The following SLC8A3 variants were observed in gnomAD, a reference collection of about 807,000 sequenced individuals.
SLC8A3 encodes the protein solute carrier family 8 member A3, also known as sodium/calcium exchanger 3.
SLC8A3 carries 37 observed loss-of-function variants against 65.4 expected under a neutral mutation model. The ratio of observed to expected loss-of-function variants is 0.57; its 90% CI spans 0.44 to 0.74. The LOEUF (loss-of-function observed/expected upper bound fraction) is 0.74, where lower values mean the gene tolerates loss of function less well. SLC8A3 is among the 30% of genes least tolerant of loss of function. The pLI, the probability that SLC8A3 is intolerant of heterozygous loss-of-function variation, is 0.00. For synonymous variants in SLC8A3, 461 were observed against 444.5 expected (o/e 1.04, Z -0.47); for missense variants, 1,112 against 1,172.1 (o/e 0.95, Z 0.75).
chr14:70,087,527 T>TA (rs764000834), intron 2 of SLC8A3, among the ~76,000 whole-genome samples: 54 of 152,206 alleles, frequency 3.5e-4, no homozygotes, highest in Non-Finnish European at 6.9e-4. Context: ...TGCTCTGCCA[T>TA]AAAAAAGAGT....
chr14:70,185,486 C>T (rs1203045964), intron 1 of SLC8A3, among the ~76,000 whole-genome samples: 5 of 152,192 alleles, frequency 3.3e-5, no homozygotes, highest in South Asian at 2.1e-4. Context: ...GACAACCTAT[C>T]GGCTTTAGGG....
intron 2 of SLC8A3, among the ~76,000 whole-genome samples, chr14:70,128,349 C>A (rs1156578512): frequency 6.6e-6 from 1 of 152,188 alleles, no homozygotes. Context: ...TGCTTTATTG[C>A]CTATAATGTC....
chr14:70,055,534 C>A (rs1888008677), intron 3 of SLC8A3, among the ~76,000 whole-genome samples: 1 of 152,158 alleles, frequency 6.6e-6, no homozygotes, highest in South Asian at 2.1e-4. Flanking sequence ...AGCTTAATTT[C>A]TCTTCCTGGT....
At chr14:70,142,676 C>T (rs887326873) in intron 2 of SLC8A3, among the ~76,000 whole-genome samples, 8 of 152,200 alleles carry the variant, frequency 5.3e-5, no homozygotes, top group Non-Finnish European at 1.2e-4. Context: ...CTATTCATTT[C>T]TGAGGGAACC....
intron 2 of SLC8A3, among the ~76,000 whole-genome samples, chr14:70,132,282 G>T (rs754314895): frequency 5.3e-5 from 8 of 152,206 alleles, no homozygotes; most frequent in Admixed American, 3.3e-4. Flanking sequence ...AGAAAATGCT[G>T]CAGCCTTCAC....
intron 2 of SLC8A3, among the ~76,000 whole-genome samples, chr14:70,092,839 A>G (rs934707823): frequency 6.6e-6 from 1 of 152,228 alleles, no homozygotes; most frequent in African/African-American, 2.4e-5. Flanking sequence ...TTGCTTATGC[A>G]AGCCAAAAAA....
intron 2 of SLC8A3, among the ~76,000 whole-genome samples, chr14:70,124,151 G>A (rs1461219331): frequency 2.6e-5 from 4 of 151,956 alleles, no homozygotes; most frequent in Non-Finnish European, 4.4e-5. Flanking sequence ...TTGCCTACTC[G>A]ATTTCCATTT....
chr14:70,133,462 T>G (rs932615357), intron 2 of SLC8A3, among the ~76,000 whole-genome samples: 3 of 152,100 alleles, frequency 2.0e-5, no homozygotes, highest in African/African-American at 7.2e-5. Context: ...TGCCCTAATA[T>G]ACTCTTGGGG....
At chr14:70,047,055 A>C (rs139469831) in intron 6 of SLC8A3, 1 of 152,314 alleles carries the variant, frequency 6.6e-6, no homozygotes, top group Non-Finnish European at 1.5e-5. Context: ...AAGAGACTTG[A>C]CCCTAAAGTC....
intron 1 of SLC8A3, among the ~76,000 whole-genome samples, chr14:70,180,720 G>C (rs1236251984): frequency 6.6e-6 from 1 of 152,182 alleles, no homozygotes; most frequent in Non-Finnish European, 1.5e-5. Context: ...ATGAAAGGCA[G>C]AAGTGCAGGA....
chr14:70,048,327 G>A (rs1566729181), intron 6 of SLC8A3: 1 of 367,610 alleles, frequency 2.7e-6, no homozygotes, highest in East Asian at 5.2e-5. Context: ...GATCGCCAGA[G>A]GTAAATAGAA....
chr14:70,108,399 CAA>C (rs764907002), intron 2 of SLC8A3, among the ~76,000 whole-genome samples: 8 of 92,004 alleles, frequency 8.7e-5, no homozygotes, highest in Admixed American at 3.8e-4. Context: ...GACTCCGTCT[CAA>C]AAAAAAAAAA....
chr14:70,090,241 T>C lies in SLC8A3; in HGVS notation c.1785-29302A>G, dbSNP rs1225334148. Among the ~76,000 whole-genome samples, 4 of 152,364 alleles carry C rather than the reference T, an allele frequency of 2.6e-5. No individual in the cohort carries two copies. In the East Asian group the frequency reaches 7.7e-4, roughly 29 times the overall value. ...TATGCATGTTTTACCAGAAATATTC[T>C]TGCTTGATCTCCCTCCTACCTCCTC... On this transcript the variant is annotated intron_variant, in intron 2 of 6. Coordinates refer to ENST00000356921, the MANE Select transcript of SLC8A3 (RefSeq NM_182932.3).
At chr14:70,177,766 C>A (rs572721809) in intron 1 of SLC8A3, among the ~76,000 whole-genome samples, 2 of 152,160 alleles carry the variant, frequency 1.3e-5, no homozygotes, top group Non-Finnish European at 1.5e-5. Flanking sequence ...CTCTTGGAGG[C>A]AATAAGGAAG....
Position 70,068,202 on chromosome 14 carries a change from T to C in SLC8A3, c.1785-7263A>G, listed in dbSNP as rs139024351. ...TGCTGCAAAGGGGAAGGGTTCTCTT[T>C]AGCCATTGAGTTCCTTTAGAGTGAA... On this transcript the variant is annotated intron_variant, in intron 2 of 6. Coordinates refer to ENST00000356921, the MANE Select transcript of SLC8A3 (RefSeq NM_182932.3). 8.2e-3 allele frequency among the ~76,000 whole-genome samples: 1,242 copies of C among 152,348 alleles called. 12 individuals are homozygous for C. Among genetic ancestry groups the C allele is most frequent in the African/African-American group, 0.028 (1,171 of 41,562 alleles).
chr14:70,074,782 A>G, intron 2 of SLC8A3, among the ~76,000 whole-genome samples: 1 of 152,230 alleles, frequency 6.6e-6, no homozygotes, highest in Non-Finnish European at 1.5e-5. Context: ...AAAAGTTGCA[A>G]TTAATGCAAC....
intron 2 of SLC8A3, among the ~76,000 whole-genome samples, chr14:70,147,524 A>C (rs1896001832): frequency 6.6e-6 from 1 of 152,186 alleles, no homozygotes; most frequent in Non-Finnish European, 1.5e-5. Flanking sequence ...GCAATGGTGA[A>C]GGTATTTTGC....
At chr14:70,114,620 C>T (rs1009330247) in intron 2 of SLC8A3, among the ~76,000 whole-genome samples, 1 of 152,188 alleles carries the variant, frequency 6.6e-6, no homozygotes, top group African/African-American at 2.4e-5. Flanking sequence ...CCCTGCCCTC[C>T]TCTGGCAATT....
intron 2 of SLC8A3, among the ~76,000 whole-genome samples, chr14:70,133,990 G>A (rs1895025885): frequency 6.6e-6 from 1 of 152,154 alleles, no homozygotes; most frequent in Non-Finnish European, 1.5e-5. Context: ...TGGGCTCTGT[G>A]GAGGGAACTT....
Sources: gnomAD v4.1 joint callset for allele counts (sites outside exome capture counted in the v4.1 genomes callset) on GRCh38, gnomAD v4.1.1 for gene constraint, MANE v1.5 for transcripts, NCBI Gene and HGNC (gene_info 2026-07-23, HGNC 2026-07-21) for gene names.